BCR: variants seen among roughly 807,000 people sequenced by gnomAD.
BCR encodes BCR activator of RhoGEF and GTPase, also known as breakpoint cluster region protein.
Under a neutral mutation model 138.6 loss-of-function variants are expected in BCR, and 58 were observed. The ratio of observed to expected loss-of-function variants is 0.42; its 90% CI spans 0.34 to 0.52. BCR has a LOEUF of 0.52. Ranked by LOEUF, BCR falls within the 20% of genes least tolerant of loss-of-function variation. The pLI, the probability that BCR is intolerant of heterozygous loss-of-function variation, is 0.06. For missense variants in BCR, 1,599 were observed against 1,727.2 expected (o/e 0.93, Z 1.32); for synonymous variants, 786 against 730.1 (o/e 1.08, Z -1.23).
Position 23,181,201 on chromosome 22 carries a change from G to C in BCR, c.241G>C (p.Ala81Pro), listed in dbSNP as rs1339584956. The C allele has an allele frequency of 7.7e-7, 1 of 1,290,680 alleles. No homozygotes were observed. Among genetic ancestry groups the C allele is most frequent in the Non-Finnish European group, 1.0e-6 (1 of 1,000,908 alleles). The allele number at this position is 1,290,680 out of a possible 1,614,324, so 80.0% of individuals were successfully genotyped here. ...DRQRWGFRRA[A>P]QAPDGASEPR... ...GCAGCGATGGGGCTTCCGGCGCGCG[G>C]CGCAGGCCCCCGACGGCGCCTCCGA... is the stretch of plus-strand genomic sequence containing the variant. The change falls in exon 1 of 23, where the codon GCG becomes CCG. Residue 81 changes from alanine (A) to proline (P), a missense_variant. By Grantham distance (27) the Ala-to-Pro change is conservative. Around this residue, in one of 4 missense-constraint regions of BCR, gnomAD observed 806 missense variants for 635.0 expected, o/e 1.27. Coordinates refer to ENST00000305877, the MANE Select transcript of BCR (RefSeq NM_004327.4).
At chr22:23,267,094 T>C (rs183305794) in intron 4 of BCR, among the ~76,000 whole-genome samples, 3 of 152,292 alleles carry the variant, frequency 2.0e-5, no homozygotes, top group East Asian at 1.9e-4. Context: ...TATCAGGCAC[T>C]GTCCTGTTAG....
intron 15 of BCR, 72 bp downstream of exon 15, chr22:23,292,710 A>G: frequency 1.5e-6 from 2 of 1,372,072 alleles, no homozygotes; most frequent in Admixed American, 3.8e-5. Flanking sequence ...GAGATAATCT[A>G]AACCTTCAGG....
intron 1 of BCR, chr22:23,198,335 G>C (rs373442541): frequency 3.2e-5 from 14 of 442,284 alleles, no homozygotes; most frequent in Admixed American, 2.0e-4. Context: ...GGAGGGGACT[G>C]GTGGGCTGGA....
At chr22:23,254,545 C>A (rs139392699) in intron 2 of BCR, 1 of 518,036 alleles carries the variant, frequency 1.9e-6, no homozygotes. Flanking sequence ...TCTGCCATGC[C>A]CTCCAAGAAA....
intron 1 of BCR, among the ~76,000 whole-genome samples, chr22:23,186,509 T>C (rs1289152268): frequency 2.0e-5 from 3 of 152,186 alleles, no homozygotes; most frequent in Non-Finnish European, 4.4e-5. Context: ...CTTTTTCATC[T>C]TCCCGACTGA....
chr22:23,185,281 A>C (rs763200255), intron 1 of BCR, among the ~76,000 whole-genome samples: 1 of 152,152 alleles, frequency 6.6e-6, no homozygotes, highest in Non-Finnish European at 1.5e-5. Flanking sequence ...GCAAAGCACA[A>C]CTGGGGAGGT....
chr22:23,200,564 A>G (rs753045590), intron 1 of BCR, among the ~76,000 whole-genome samples: 42 of 151,742 alleles, frequency 2.8e-4, no homozygotes, highest in Non-Finnish European at 3.7e-4. Context: ...TAATTAAAAA[A>G]AAATTTTTTT....
intron 2 of BCR, 98 bp from the exon 3 acceptor site, chr22:23,260,852 C>A: frequency 8.6e-7 from 1 of 1,158,322 alleles, no homozygotes; most frequent in Non-Finnish European, 1.3e-6. Context: ...AGGGGTTTGT[C>A]CAGAGGTCAA....
rs1602106270 is a variant in BCR at position 23,287,279 on chromosome 22, G to A, written c.2526+1G>A. On this transcript the variant is annotated splice_donor_variant, in intron 11 of 22. Coordinates refer to ENST00000305877, the MANE Select transcript of BCR (RefSeq NM_004327.4). LOFTEE classifies it high-confidence loss of function. ...CAGGGTGCACAGCCGCAACGGCAAG[G>A]TGAGCGCCTGCTGTTCCGGCCCCTC... is the stretch of plus-strand genomic sequence containing the variant. 6.5e-7 allele frequency: 1 copy of A among 1,541,376 alleles called. No homozygotes were observed. Among genetic ancestry groups the A allele is most frequent in the South Asian group, 1.2e-5 (1 of 81,798 alleles).
intron 1 of BCR, among the ~76,000 whole-genome samples, chr22:23,218,609 CA>C (rs1383776961): frequency 6.6e-6 from 1 of 152,184 alleles, no homozygotes; most frequent in East Asian, 1.9e-4. Flanking sequence ...GGCTGTTCTT[CA>C]GCTGTGGGAC....
chr22:23,313,717 T>C (rs2074033540), intron 20 of BCR, among the ~76,000 whole-genome samples: 1 of 152,182 alleles, frequency 6.6e-6, no homozygotes, highest in African/African-American at 2.4e-5. Context: ...GCAGCTGCTC[T>C]AGCGGCTCCT....
intron 1 of BCR, among the ~76,000 whole-genome samples, chr22:23,232,693 G>T (rs941575045): frequency 6.6e-6 from 1 of 152,212 alleles, no homozygotes; most frequent in Non-Finnish European, 1.5e-5. Flanking sequence ...TGCTGCACCC[G>T]TGAGCATGGG....
At chr22:23,195,845 G>A (rs948008091) in intron 1 of BCR, among the ~76,000 whole-genome samples, 1 of 152,216 alleles carries the variant, frequency 6.6e-6, no homozygotes, top group Non-Finnish European at 1.5e-5. Context: ...CCGAGATCGT[G>A]CCATTGCACT....
chr22:23,260,232 G>A lies in BCR; in HGVS notation c.1462-718G>A, dbSNP rs73152643. ...TCATCATTTGGAGACAAAAACAGTAGAGCTTCCCTGAACTTTCAGCAGGGA... is the reference window on the plus strand; with the variant it reads ...TCATCATTTGGAGACAAAAACAGTAAAGCTTCCCTGAACTTTCAGCAGGGA... On this transcript the variant is annotated intron_variant, in intron 2 of 22. Coordinates refer to ENST00000305877, the MANE Select transcript of BCR (RefSeq NM_004327.4). Among the ~76,000 whole-genome samples, 1,254 of 152,308 alleles carry A rather than the reference G, an allele frequency of 8.2e-3. 10 individuals carry two copies. Among genetic ancestry groups the A allele is most frequent in the Non-Finnish European group, 0.014 (921 of 68,020 alleles).
At position 23,220,328 on chromosome 22, in the gene BCR, G is replaced by A. The variant is rs139851973; in HGVS notation, c.1280-33471G>A. On this transcript the variant is annotated intron_variant, in intron 1 of 22. Transcript: ENST00000305877. ...GCATGTTTGGTTCTAGGGGAGGAGG[G>A]GTGAATGACTTATCTTGGAGAAGCC... 4.6e-5 allele frequency among the ~76,000 whole-genome samples: 7 copies of A among 152,298 alleles called. No individual in the cohort carries two copies. In the South Asian group the frequency reaches 1.0e-3, roughly 23 times the overall value.
chr22:23,211,965 C>G (rs1207168999), intron 1 of BCR, among the ~76,000 whole-genome samples: 1 of 152,100 alleles, frequency 6.6e-6, no homozygotes, highest in Admixed American at 6.6e-5. Flanking sequence ...CTCCCTGTTC[C>G]CACTTCCCAC....
intron 1 of BCR, among the ~76,000 whole-genome samples, chr22:23,241,521 A>G (rs2073092032): frequency 1.3e-5 from 2 of 152,028 alleles, no homozygotes; most frequent in Admixed American, 6.5e-5. Context: ...TTCCCACGCC[A>G]TCCTCCTTTG....
chr22:23,243,444 A>G (rs2073120408), intron 1 of BCR, among the ~76,000 whole-genome samples: 1 of 152,100 alleles, frequency 6.6e-6, no homozygotes, highest in Non-Finnish European at 1.5e-5. Flanking sequence ...AAAACACTAC[A>G]CAGTGAGGTT....
In BCR at chr22:23,205,672, A is replaced by G. The variant is rs561792349; in HGVS notation, c.1279+23433A>G. ...TTTTTTTTTTTTTTTACTTTACTCTACAGTATTGGGATTGGCTGAACTTTC... is the reference window on the plus strand; with the variant it reads ...TTTTTTTTTTTTTTTACTTTACTCTGCAGTATTGGGATTGGCTGAACTTTC... On this transcript the variant is annotated intron_variant, in intron 1 of 22. Transcript: ENST00000305877. 2.7e-5 allele frequency among the ~76,000 whole-genome samples: 4 copies of G among 148,178 alleles called. No individual in the cohort carries two copies. The South Asian group carries it at 6.3e-4, about 23-fold the overall frequency.
Sources: allele counts gnomAD v4.1 joint callset (sites outside exome capture counted in the v4.1 genomes callset), GRCh38; gene constraint gnomAD v4.1.1; regional missense constraint gnomAD v4.1.1; transcripts MANE v1.5; gene names NCBI Gene and HGNC (gene_info 2026-07-23, HGNC 2026-07-21).